RNF115: variants seen among roughly 807,000 people sequenced by gnomAD.
RNF115 encodes ring finger protein 115.
A neutral mutation model predicts 39.2 loss-of-function variants in RNF115; 31 were observed. The ratio of observed to expected loss-of-function variants is 0.79; its 90% CI spans 0.59 to 1.07. RNF115 has a LOEUF of 1.07. RNF115 is among the 50% of genes least tolerant of loss of function. The probability of loss-of-function intolerance (pLI) is 0.00; values close to 1 mark genes in which losing one functional copy is unlikely to be tolerated. For missense variants in RNF115, 384 were observed against 381.7 expected (o/e 1.01, Z -0.05); for synonymous variants, 124 against 131.0 (o/e 0.95, Z 0.37).
intron 4 of RNF115, among the ~76,000 whole-genome samples, chr1:145,768,385 G>A (rs1459095934): frequency 2.0e-5 from 3 of 152,176 alleles, no homozygotes; most frequent in East Asian, 1.9e-4. Context: ...GCGCAATCTC[G>A]GCTCACTGCA....
At chr1:145,822,295 G>C (rs1553724497) in intron 1 of RNF115, among the ~76,000 whole-genome samples, 1 of 146,296 alleles carries the variant, frequency 6.8e-6, no homozygotes, top group African/African-American at 2.5e-5. Context: ...GCTCCTGGGT[G>C]ATAGACAGAG....
At chr1:145,792,786 T>G (rs1648738607) in intron 1 of RNF115, among the ~76,000 whole-genome samples, 2 of 152,158 alleles carry the variant, frequency 1.3e-5, no homozygotes, top group Non-Finnish European at 2.9e-5. Context: ...GACAGGCAGA[T>G]AGGGGCCAGA....
chr1:145,767,053 G>A (rs1647347066), intron 4 of RNF115, among the ~76,000 whole-genome samples: 1 of 143,758 alleles, frequency 7.0e-6, no homozygotes, highest in Non-Finnish European at 1.5e-5. Context: ...GGACGGGGCG[G>A]CTGGCAGGGC....
chr1:145,772,103 T>A, intron 3 of RNF115, 184 bp from the exon 4 acceptor site: 1 of 550,054 alleles, frequency 1.8e-6, no homozygotes, highest in Non-Finnish European at 3.2e-6. Context: ...CATCTTCAAC[T>A]TTACTGGGTA....
At chr1:145,783,076 T>C (rs2101556456) in intron 3 of RNF115, among the ~76,000 whole-genome samples, 1 of 152,334 alleles carries the variant, frequency 6.6e-6, no homozygotes, top group Non-Finnish European at 1.5e-5. Context: ...TTGGCTAGGC[T>C]GGTCTCGAAC....
intron 4 of RNF115, among the ~76,000 whole-genome samples, chr1:145,764,836 G>A (rs1188551322): frequency 4.6e-5 from 7 of 151,528 alleles, no homozygotes; most frequent in South Asian, 2.1e-4. Context: ...CGCCCCGTCC[G>A]GGAGGTGGGG....
intron 3 of RNF115, among the ~76,000 whole-genome samples, chr1:145,774,979 GC>G (rs1647814563): frequency 1.3e-5 from 2 of 152,160 alleles, no homozygotes; most frequent in Non-Finnish European, 1.5e-5. Flanking sequence ...GGGCACAGTG[GC>G]TTATGCCTGT....
Position 145,771,712 on chromosome 1 carries a change from C to A in RNF115, c.427G>T (p.Gly143Ter), listed in dbSNP as rs782530050. ...SRPDRSPAIEGILQHIFAGFF... is the reference protein window; with the variant it reads ...SRPDRSPAIE The stretch of plus-strand genomic sequence containing the variant: ...AGAACTTAAAATAAAACAACTCACC[C>A]TTCAATAGCTGGAGATCTGTCAGGA... Residue 143 changes from glycine (G) to a stop codon, truncating the protein, a stop_gained and splice_region_variant, in exon 4 of 9, where the codon GGA (glycine) becomes TGA (stop). Transcript: ENST00000582693. LOFTEE classifies it high-confidence loss of function. The A allele has an allele frequency of 2.6e-5, 42 of 1,612,804 alleles. No individual in the cohort carries two copies. The highest frequency in any genetic ancestry group is 3.4e-5 in the Non-Finnish European group (40 of 1,179,270).
Position 145,739,396 on chromosome 1 carries a change from G to T in RNF115, c.*7470C>A. 1 of 152,234 alleles carries T rather than the reference G, an allele frequency of 6.6e-6. No homozygotes were observed. The highest frequency in any genetic ancestry group is 1.9e-4 in the East Asian group (1 of 5,192). 9.4% of individuals were successfully genotyped at this position (152,234 alleles called of 1,614,324 possible). A position where few individuals can be genotyped will look rare whatever the true frequency, so the allele number is the denominator to read the frequency against. ...CCAAATGTGGGAGCTAAGGTTTGTG[G>T]GAACGGAAAGAGATATGGCTGAAGT... On this transcript the variant is annotated 3_prime_UTR_variant, in exon 9 of 9. Transcript: ENST00000582693.
rs192216802 is a variant in RNF115, at chr1:145,799,310, C to A, written c.103-10344G>T. ...CTCGATCTCTTGACCTCGTGATCCG[C>A]CTGCCTCGGCCTCCCAAAGTGCTGG... On this transcript the variant is annotated intron_variant, in intron 1 of 8. Transcript: ENST00000582693. Among the ~76,000 whole-genome samples, 191 of 152,252 alleles carry A rather than the reference C, an allele frequency of 1.3e-3. 1 individual carries two copies. The highest frequency in any genetic ancestry group is 4.4e-3 in the African/African-American group (184 of 41,532).
rs1649590467 is a variant in RNF115, at chr1:145,809,211, G to A, written c.102+14561C>T. Among the ~76,000 whole-genome samples the A allele has an allele frequency of 2.1e-5, 3 of 139,558 alleles. No individual in the cohort carries two copies. The Admixed American group carries it at 2.2e-4, about 10-fold the overall frequency. The allele number at this position is 139,558 out of a possible 152,430, so 91.6% of individuals were successfully genotyped here. A position where few individuals can be genotyped will look rare whatever the true frequency, so the allele number is the denominator to read the frequency against. ...TTTTTTTTTTTTTTTTTTTGAGACA[G>A]AGTCTCACTCTGTTGCCCAGGCTGG... On this transcript the variant is annotated intron_variant, in intron 1 of 8. Transcript: ENST00000582693.
At chr1:145,771,655 C>T in intron 4 of RNF115, 56 bp downstream of exon 4, 2 of 1,384,962 alleles carry the variant, frequency 1.4e-6, no homozygotes, top group Non-Finnish European at 2.0e-6. Flanking sequence ...TTAGATTATA[C>T]CAATTTGTCC....
intron 4 of RNF115, among the ~76,000 whole-genome samples, chr1:145,759,126 T>C (rs138914799): frequency 1.6e-4 from 24 of 152,300 alleles, no homozygotes; most frequent in Non-Finnish European, 3.4e-4. Flanking sequence ...TCAGTCTCCT[T>C]TGCTTATTCT....
chr1:145,755,485 C>A lies in RNF115; in HGVS notation c.429-2436G>T, dbSNP rs1658262316. The stretch of plus-strand genomic sequence containing the variant: ...GAAATCCTGGGCCAGAACCACTCAG[C>A]CATGCTACTCCCAACTGAACCTGTT... On this transcript the variant is annotated intron_variant, in intron 4 of 8. Coordinates refer to ENST00000582693, the MANE Select transcript of RNF115 (RefSeq NM_014455.4). 2.0e-5 allele frequency among the ~76,000 whole-genome samples: 3 copies of A among 152,144 alleles called. No individual in the cohort carries two copies. The South Asian group carries it at 6.2e-4, about 32-fold the overall frequency.
At chr1:145,766,336 T>C (rs376323130) in intron 4 of RNF115, among the ~76,000 whole-genome samples, 5 of 151,840 alleles carry the variant, frequency 3.3e-5, no homozygotes, top group African/African-American at 7.3e-5. Context: ...AACAGGATCC[T>C]AAGGCAGAAG....
chr1:145,814,378 A>C (rs1649884003), intron 1 of RNF115, among the ~76,000 whole-genome samples: 1 of 152,090 alleles, frequency 6.6e-6, no homozygotes, highest in Non-Finnish European at 1.5e-5. Flanking sequence ...TAGGATGTGA[A>C]GAGATCCAAC....
At chr1:145,812,531 A>C (rs1284701396) in intron 1 of RNF115, among the ~76,000 whole-genome samples, 4 of 151,550 alleles carry the variant, frequency 2.6e-5, no homozygotes, top group Non-Finnish European at 5.9e-5. Context: ...GTGGTGGCGC[A>C]CACCCATAAT....
chr1:145,762,084 G>T (rs782032620), intron 4 of RNF115, among the ~76,000 whole-genome samples: 1 of 152,306 alleles, frequency 6.6e-6, no homozygotes, highest in Middle Eastern at 3.4e-3. Flanking sequence ...CCGTATTTAC[G>T]AAATACCTGT....
rs1650460975 is a variant in RNF115 at position 145,823,986 on chromosome 1, T to C, written c.-113A>G. ...CCGCCGCCTCGGTGCGGCCCACCGC[T>C]TCAGAGCCCGCGTCGGTCACGTGAG... On this transcript the variant is annotated 5_prime_UTR_variant, in exon 1 of 9. Coordinates refer to ENST00000582693, the MANE Select transcript of RNF115 (RefSeq NM_014455.4). 2 of 736,370 alleles carry C rather than the reference T, an allele frequency of 2.7e-6. No homozygotes were observed. Among genetic ancestry groups the C allele is most frequent in the African/African-American group, 1.9e-5 (1 of 53,080 alleles). The allele number at this position is 736,370 out of a possible 1,614,324, so 45.6% of individuals were successfully genotyped here.
Sources: gnomAD v4.1 joint callset for allele counts (sites outside exome capture counted in the v4.1 genomes callset) on GRCh38, gnomAD v4.1.1 for gene constraint, MANE v1.5 for transcripts, NCBI Gene and HGNC (gene_info 2026-07-23, HGNC 2026-07-21) for gene names.